Variants in ULK4 observed in about 807,000 individuals in gnomAD.
ULK4 encodes unc-51 like kinase 4.
In ULK4, 133 loss-of-function variants were observed where a neutral mutation model predicts 160.6. The ratio of observed to expected loss-of-function variants is 0.83; its 90% confidence interval spans 0.72 to 0.96. The LOEUF is 0.96. ULK4 is among the 40% of genes least tolerant of loss of function. ULK4 has a pLI of 0.00. For missense variants in ULK4, 1,580 were observed against 1,499.5 expected, an observed-to-expected ratio of 1.05 and a Z score of -0.89; for synonymous variants, 534 against 539.8, an observed-to-expected ratio of 0.99 and a Z score of 0.15.
intron 17 of ULK4, among the ~76,000 whole-genome samples, chr3:41,844,733 C>T (rs1366019619): frequency 2.0e-5 from 3 of 148,762 alleles, no homozygotes; most frequent in South Asian, 2.1e-4. Flanking sequence ...CCTCTCAATA[C>T]GTTGCTGGTG....
chr3:41,495,517 G>A (rs959810892), intron 32 of ULK4, among the ~76,000 whole-genome samples: 1 of 151,360 alleles, frequency 6.6e-6, no homozygotes, highest in Non-Finnish European at 1.5e-5. Context: ...CATAGGCATG[G>A]GCAAGGACTT....
intron 32 of ULK4, among the ~76,000 whole-genome samples, chr3:41,464,171 C>T (rs1007369277): frequency 6.6e-6 from 1 of 152,172 alleles, no homozygotes; most frequent in Non-Finnish European, 1.5e-5. Context: ...CTCAGCTAAG[C>T]ACAGCCATGT....
chr3:41,664,619 TCAAA>T (rs2035296879), intron 29 of ULK4, among the ~76,000 whole-genome samples: 1 of 152,122 alleles, frequency 6.6e-6, no homozygotes, highest in Non-Finnish European at 1.5e-5. Context: ...GACTGTCTGC[TCAAA>T]CAGTTGAGGC....
In ULK4 at chr3:41,912,976, C is replaced by T. The variant is rs1698840536; in HGVS notation, c.804-77G>A. The T allele has an allele frequency of 6.2e-6, 8 of 1,300,346 alleles. No homozygotes were observed. The South Asian group carries it at 9.9e-5, about 16-fold the overall frequency. 80.6% of individuals were successfully genotyped at this position (1,300,346 alleles called of 1,614,324 possible). A position where few individuals can be genotyped will look rare whatever the true frequency, so the allele number is the denominator to read the frequency against. ...AAATTCCCAAGACATGTCCCAATTA[C>T]ACATAGCAGATTTTACAAGGTACAC... is the stretch of plus-strand genomic sequence containing the variant. On this transcript the variant is annotated intron_variant, in intron 8 of 36. Transcript: ENST00000301831.
intron 13 of ULK4, 109 bp from the exon 14 acceptor site, chr3:41,898,601 T>A (rs900674434): frequency 7.6e-6 from 5 of 656,132 alleles, no homozygotes; most frequent in Non-Finnish European, 1.0e-5. Context: ...AAAAAAAGAA[T>A]GTGCAAAATT....
At chr3:41,946,831 A>G (rs146966797) in intron 2 of ULK4, among the ~76,000 whole-genome samples, 311 of 152,264 alleles carry the variant, frequency 2.0e-3, no homozygotes, top group African/African-American at 7.2e-3. Context: ...GGATCCTGAT[A>G]AGCCTAAAAA....
intron 35 of ULK4, among the ~76,000 whole-genome samples, chr3:41,293,530 G>A (rs1446578870): frequency 1.3e-5 from 2 of 152,178 alleles, no homozygotes; most frequent in East Asian, 3.8e-4. Context: ...GTTACAGGCT[G>A]TAACATCATA....
intron 27 of ULK4, among the ~76,000 whole-genome samples, chr3:41,691,182 T>G (rs1040624655): frequency 2.6e-5 from 4 of 151,812 alleles, no homozygotes; most frequent in African/African-American, 9.7e-5. Context: ...AAGAACTGCC[T>G]CAAGTGAGCA....
chr3:41,819,931 G>A (rs1439349277), intron 18 of ULK4, among the ~76,000 whole-genome samples: 1 of 152,110 alleles, frequency 6.6e-6, no homozygotes, highest in Non-Finnish European at 1.5e-5. Context: ...TAATTCACAA[G>A]CACAAGTAAA....
intron 17 of ULK4, among the ~76,000 whole-genome samples, chr3:41,855,097 G>A (rs767220347): frequency 6.6e-6 from 1 of 152,086 alleles, no homozygotes; most frequent in Non-Finnish European, 1.5e-5. Context: ...GCTAAAAGAG[G>A]AAGGTGCAAA....
intron 17 of ULK4, among the ~76,000 whole-genome samples, chr3:41,880,620 T>C (rs548741175): frequency 7.2e-5 from 11 of 152,276 alleles, no homozygotes; most frequent in Admixed American, 7.2e-4. Context: ...TGAGGTTCTA[T>C]GCCATTAAAA....
intron 4 of ULK4, among the ~76,000 whole-genome samples, chr3:41,935,209 A>ATTTATTTTTTTTTTTTTTT (rs1559660879): frequency 7.4e-5 from 10 of 135,606 alleles, no homozygotes; most frequent in African/African-American, 2.0e-4. Context: ...TTATTTATTT[A>ATTTATTTTTTTTTTTTTTT]TTTTTTTTTT....
chr3:41,422,406 T>G (rs1575539520), intron 34 of ULK4, among the ~76,000 whole-genome samples: 1 of 152,236 alleles, frequency 6.6e-6, no homozygotes, highest in African/African-American at 2.4e-5. Flanking sequence ...CTATTCCTAT[T>G]TAAATAGAAG....
chr3:41,615,610 T>C, intron 31 of ULK4, 59 bp downstream of exon 31: 1 of 1,558,612 alleles, frequency 6.4e-7, no homozygotes, highest in Non-Finnish European at 8.8e-7. Context: ...ACAACATGGT[T>C]AAAATCTTTA....
intron 5 of ULK4, among the ~76,000 whole-genome samples, chr3:41,922,256 G>A (rs1004391698): frequency 6.6e-6 from 1 of 152,224 alleles, no homozygotes; most frequent in African/African-American, 2.4e-5. Context: ...GGAGGGCCAA[G>A]ACAGGAGGAT....
intron 30 of ULK4, among the ~76,000 whole-genome samples, chr3:41,659,317 T>C (rs2035060843): frequency 6.6e-6 from 1 of 152,162 alleles, no homozygotes; most frequent in Non-Finnish European, 1.5e-5. Context: ...GAACCCAGAC[T>C]TTGTTAAAAG....
In ULK4 at chr3:41,463,274, G is replaced by A. The variant is rs1363703240; in HGVS notation, c.3227-21C>T. ...AAGTCCTGAGGGTAAAAAAGGAAAA[G>A]AAAAAAACCTCATCATTAAGTACAC... is the stretch of plus-strand genomic sequence containing the variant. On this transcript the variant is annotated intron_variant, in intron 32 of 36. Coordinates refer to ENST00000301831, the MANE Select transcript of ULK4 (RefSeq NM_017886.4). The A allele has an allele frequency of 2.9e-5, 46 of 1,594,112 alleles. No individual in the cohort carries two copies. In the Admixed American group the frequency reaches 3.2e-4, roughly 11 times the overall value.
At chr3:41,878,430 A>C (rs1559624579) in intron 17 of ULK4, among the ~76,000 whole-genome samples, 2 of 152,166 alleles carry the variant, frequency 1.3e-5, no homozygotes, top group South Asian at 2.1e-4. Context: ...CTAGACACGG[A>C]GATTTCTCAG....
At position 41,663,649 on chromosome 3, in the gene ULK4, T is replaced by C. The variant is rs1446333969; in HGVS notation, c.3029A>G (p.Lys1010Arg). ...GTGTTCAGTCATCGCGACTAGCAGT[T>C]TCAGAGCATATGCTGGTACTGGGTC... The part of the protein sequence containing the change: ...EPDPVPAYAL[K>R]LLVAMTEHNP... The change falls in exon 30 of 37, where the codon AAA becomes AGA. Residue 1010 changes from lysine to arginine, a missense_variant. Transcript: ENST00000301831. The C allele has an allele frequency of 6.2e-7, 1 of 1,613,958 alleles. No homozygotes were observed. The highest frequency in any genetic ancestry group is 1.1e-5 in the South Asian group (1 of 91,084).
Sources: gnomAD v4.1 joint callset for allele counts (sites outside exome capture counted in the v4.1 genomes callset) on GRCh38, gnomAD v4.1.1 for gene constraint, MANE v1.5 for transcripts, NCBI Gene and HGNC (gene_info 2026-07-23, HGNC 2026-07-21) for gene names.